The following DNAJC5B variants were observed in gnomAD, a reference collection of about 807,000 sequenced individuals.
DNAJC5B encodes DnaJ heat shock protein family (Hsp40) member C5 beta.
In DNAJC5B, 23 loss-of-function variants were observed where a neutral mutation model predicts 24.7. That is an observed-to-expected ratio of 0.93 (90% CI 0.67 to 1.32). DNAJC5B has a LOEUF of 1.32. DNAJC5B is among the 40% of genes most tolerant of loss of function. The probability of loss-of-function intolerance (pLI) is 0.00; values close to 1 mark genes in which losing one functional copy is unlikely to be tolerated. For synonymous variants in DNAJC5B, 101 were observed against 90.1 expected (o/e 1.12, Z -0.68); for missense variants, 238 against 240.8 (o/e 0.99, Z 0.08).
At chr8:66,046,745 C>G (rs74640364) in intron 2 of DNAJC5B, among the ~76,000 whole-genome samples, 5,689 of 152,346 alleles carry the variant, frequency 0.037, 229 homozygotes, top group African/African-American at 0.099. Flanking sequence ...ATCACCATAT[C>G]ATGAACTTAC....
At chr8:66,088,571 A>G (rs1177385672) in intron 5 of DNAJC5B, among the ~76,000 whole-genome samples, 1 of 152,126 alleles carries the variant, frequency 6.6e-6, no homozygotes, top group East Asian at 1.9e-4. Context: ...CATAAATTCC[A>G]ATTTCAAACC....
At chr8:66,026,437 G>A (rs1806245061) in intron 1 of DNAJC5B, among the ~76,000 whole-genome samples, 1 of 152,226 alleles carries the variant, frequency 6.6e-6, no homozygotes, top group Admixed American at 6.5e-5. Flanking sequence ...CGGAGAAGAT[G>A]CAGCCTTGAC....
intron 2 of DNAJC5B, among the ~76,000 whole-genome samples, chr8:66,046,889 A>C (rs1161043377): frequency 6.6e-6 from 1 of 152,216 alleles, no homozygotes; most frequent in Non-Finnish European, 1.5e-5. Flanking sequence ...TGGTGCACAA[A>C]CTTTGGATGT....
intron 1 of DNAJC5B, among the ~76,000 whole-genome samples, chr8:66,039,505 T>TG (rs1806562361): frequency 6.6e-6 from 1 of 152,106 alleles, no homozygotes; most frequent in Non-Finnish European, 1.5e-5. Flanking sequence ...CCCACCACCA[T>TG]GCCTGGCTCA....
chr8:66,076,351 T>C (rs551296079), intron 3 of DNAJC5B, among the ~76,000 whole-genome samples: 2 of 152,346 alleles, frequency 1.3e-5, no homozygotes, highest in Admixed American at 6.5e-5. Context: ...GGGCTACTGA[T>C]AGCTTCTTGG....
At chr8:66,022,228 A>T (rs1282941877) in intron 1 of DNAJC5B, among the ~76,000 whole-genome samples, 1 of 152,156 alleles carries the variant, frequency 6.6e-6, no homozygotes, top group African/African-American at 2.4e-5. Context: ...TGCCAGTGAA[A>T]TCATTGCTGG....
chr8:66,026,705 GGGGCGTTGGT>G (rs1304260547), intron 1 of DNAJC5B, among the ~76,000 whole-genome samples: 1 of 152,240 alleles, frequency 6.6e-6, no homozygotes, highest in Non-Finnish European at 1.5e-5. Context: ...CCAGAGCCAA[GGGGCGTTGGT>G]GCCACCAGGG....
intron 5 of DNAJC5B, among the ~76,000 whole-genome samples, chr8:66,090,984 G>C (rs1807835459): frequency 6.6e-6 from 1 of 152,186 alleles, no homozygotes; most frequent in Admixed American, 6.5e-5. Flanking sequence ...AGTAAGACAG[G>C]CTTGTCAGCT....
intron 2 of DNAJC5B, among the ~76,000 whole-genome samples, chr8:66,044,665 T>G (rs927860515): frequency 6.6e-6 from 1 of 152,174 alleles, no homozygotes; most frequent in Non-Finnish European, 1.5e-5. Context: ...AGTCACTCTA[T>G]AGAGGTCAAT....
chr8:66,021,298 AG>A (rs891114564), upstream of DNAJC5B, among the ~76,000 whole-genome samples: 1 of 152,208 alleles, frequency 6.6e-6, no homozygotes, highest in African/African-American at 2.4e-5. Flanking sequence ...CTCTCCCCAC[AG>A]TTAAGATCCC....
At chr8:66,062,660 G>A (rs1196532959) in intron 3 of DNAJC5B, among the ~76,000 whole-genome samples, 1 of 152,140 alleles carries the variant, frequency 6.6e-6, no homozygotes, top group Non-Finnish European at 1.5e-5. Flanking sequence ...GCTTTTTAGA[G>A]AGCCACAAAA....
rs900240050 is a variant in DNAJC5B, at chr8:66,100,253, C to G, written c.*222C>G. The stretch of plus-strand genomic sequence containing the variant: ...CACATTCAATTTGGGTGAATAAAGG[C>G]CTGAAGAGTTATTTTACCCTCCTTG... On this transcript the variant is annotated 3_prime_UTR_variant, in exon 6 of 6. Coordinates refer to ENST00000276570, the MANE Select transcript of DNAJC5B (RefSeq NM_033105.6). 2.2e-6 allele frequency: 1 copy of G among 462,508 alleles called. No individual in the cohort carries two copies. Among genetic ancestry groups the G allele is most frequent in the African/African-American group, 2.0e-5 (1 of 49,830 alleles). The allele number at this position is 462,508 out of a possible 1,614,324, so 28.7% of individuals were successfully genotyped here.
rs186599860 is a variant in DNAJC5B at position 66,029,581 on chromosome 8, G to A, written c.-142+7876G>A. Among the ~76,000 whole-genome samples, 12 of 152,330 alleles carry A rather than the reference G, an allele frequency of 7.9e-5. 1 individual carries two copies. In the East Asian group the frequency reaches 2.3e-3, roughly 29 times the overall value. On this transcript the variant is annotated intron_variant, in intron 1 of 5. Coordinates refer to ENST00000276570, the MANE Select transcript of DNAJC5B (RefSeq NM_033105.6). ...AGACTGGAGAAAGGACTGTCAGTTA[G>A]GAGGCTGGCAGGAGATAATAAGCTT...
intron 3 of DNAJC5B, among the ~76,000 whole-genome samples, chr8:66,061,586 GGATA>G (rs1412867037): frequency 1.4e-5 from 2 of 146,286 alleles, no homozygotes; most frequent in African/African-American, 5.2e-5. Context: ...GAGAAAGAAT[GGATA>G]GAGAGAGAGA....
intron 5 of DNAJC5B, among the ~76,000 whole-genome samples, chr8:66,098,333 A>G (rs1016286152): frequency 6.6e-6 from 1 of 151,982 alleles, no homozygotes; most frequent in Admixed American, 6.6e-5. Flanking sequence ...CCTCCTGAAT[A>G]CTGGGACCAC....
At chr8:66,036,125 GCTGAGAC>G (rs1156579702) in intron 1 of DNAJC5B, among the ~76,000 whole-genome samples, 1 of 152,184 alleles carries the variant, frequency 6.6e-6, no homozygotes, top group Non-Finnish European at 1.5e-5. Context: ...GGAAAACCTG[GCTGAGAC>G]CTGACATTTT....
chr8:66,057,836 A>C (rs1806998881), intron 3 of DNAJC5B: 1 of 152,258 alleles, frequency 6.6e-6, no homozygotes, highest in African/African-American at 2.4e-5. Context: ...ACTATATTTC[A>C]CGAGTGAATG....
chr8:66,046,355 C>A (rs1007312780), intron 2 of DNAJC5B, among the ~76,000 whole-genome samples: 4 of 152,194 alleles, frequency 2.6e-5, no homozygotes, highest in African/African-American at 9.7e-5. Context: ...TCCTGTGGCC[C>A]CTCACCGTGG....
rs1280241856 is a variant in DNAJC5B at position 66,100,615 on chromosome 8, A to G, written c.*584A>G. The G allele has an allele frequency of 2.0e-5, 3 of 152,204 alleles. No homozygotes were observed. The highest frequency in any genetic ancestry group is 4.4e-5 in the Non-Finnish European group (3 of 68,026). The allele number at this position is 152,204 out of a possible 1,614,324, so 9.4% of individuals were successfully genotyped here. A position where few individuals can be genotyped will look rare whatever the true frequency, so the allele number is the denominator to read the frequency against. On this transcript the variant is annotated 3_prime_UTR_variant, in exon 6 of 6. Coordinates refer to ENST00000276570, the MANE Select transcript of DNAJC5B (RefSeq NM_033105.6). ...TACTGAAAACTGGAAACCAGGAAGA[A>G]ACAGGTTTTGTGTGTACTTTTAGAT...
Sources: gnomAD v4.1 joint callset for allele counts (sites outside exome capture counted in the v4.1 genomes callset) on GRCh38, gnomAD v4.1.1 for gene constraint, MANE v1.5 for transcripts, NCBI Gene and HGNC (gene_info 2026-07-23, HGNC 2026-07-21) for gene names.